The following ZNF385D variants were observed in gnomAD, a reference collection of about 807,000 sequenced individuals.
The protein encoded by ZNF385D is zinc finger protein 385D, also known as zinc finger protein 659.
In ZNF385D, 15 loss-of-function variants were observed where a neutral mutation model predicts 35.8. The ratio of observed to expected loss-of-function variants is 0.42; its 90% confidence interval spans 0.28 to 0.64. The LOEUF is 0.64. ZNF385D is among the 30% of genes least tolerant of loss of function. The pLI, the probability that ZNF385D is intolerant of heterozygous loss-of-function variation, is 0.23. For missense variants in ZNF385D, 474 were observed against 494.6 expected (o/e 0.96, Z 0.39); for synonymous variants, 212 against 186.8 (o/e 1.13, Z -1.10).
intron 1 of ZNF385D, among the ~76,000 whole-genome samples, chr3:21,742,982 T>C (rs1575574290): frequency 6.6e-6 from 1 of 152,268 alleles, no homozygotes; most frequent in Non-Finnish European, 1.5e-5. Flanking sequence ...TTTCCAGTGC[T>C]AGGCACTTTT....
rs1701658036 is a variant in ZNF385D, at chr3:21,943,990, T to C, written c.325+224827A>G. On this transcript the variant is annotated intron_variant, in intron 3 of 5. Coordinates refer to the ZNF385D transcript ENST00000494108. ...TACCAAAACCTAGTGAACCATGGAA[T>C]TGCATTCAACAAACAGAATGAAGCC... 2.0e-5 allele frequency among the ~76,000 whole-genome samples: 3 copies of C among 152,198 alleles called. 1 individual carries two copies. In the South Asian group the frequency reaches 6.2e-4, roughly 31 times the overall value.
chr3:22,139,876 A>G (rs1704393198), intron 3 of ZNF385D, among the ~76,000 whole-genome samples: 1 of 152,140 alleles, frequency 6.6e-6, no homozygotes, highest in South Asian at 2.1e-4. Flanking sequence ...TGTAAATAAA[A>G]GCGTGAAATA....
chr3:22,277,037 C>T (rs924662247), intron 2 of ZNF385D, among the ~76,000 whole-genome samples: 1 of 152,054 alleles, frequency 6.6e-6, no homozygotes, highest in African/African-American at 2.4e-5. Flanking sequence ...CATTCTATTT[C>T]CATATCTGTG....
At chr3:21,947,178 T>C (rs2125289017) in intron 3 of ZNF385D, among the ~76,000 whole-genome samples, 1 of 152,298 alleles carries the variant, frequency 6.6e-6, no homozygotes, top group East Asian at 1.9e-4. Flanking sequence ...ACACTGAATA[T>C]TTTACTTACA....
At chr3:21,975,316 C>A (rs1703526844) in intron 3 of ZNF385D, among the ~76,000 whole-genome samples, 1 of 152,100 alleles carries the variant, frequency 6.6e-6, no homozygotes, top group Non-Finnish European at 1.5e-5. Flanking sequence ...GCAAGACAAA[C>A]TTCCTATGTT....
At chr3:22,093,401 G>A (rs888004334) in intron 3 of ZNF385D, among the ~76,000 whole-genome samples, 5 of 151,550 alleles carry the variant, frequency 3.3e-5, no homozygotes, top group African/African-American at 1.2e-4. Flanking sequence ...TGCAATTTAA[G>A]TAAAACATTA....
At chr3:21,686,529 GAAATT>G (rs1185550546) in intron 1 of ZNF385D, among the ~76,000 whole-genome samples, 1 of 152,066 alleles carries the variant, frequency 6.6e-6, no homozygotes, top group Non-Finnish European at 1.5e-5. Context: ...AAAAATAGGT[GAAATT>G]AATTTAATAA....
At chr3:22,342,276 CAA>C (rs766689054) in intron 2 of ZNF385D, among the ~76,000 whole-genome samples, 743 of 53,396 alleles carry the variant, frequency 0.014, 2 homozygotes, top group African/African-American at 0.038. Flanking sequence ...GACTCCGCCT[CAA>C]AAAAAAAAAA....
At chr3:21,934,471 G>C (rs2336516) in intron 3 of ZNF385D, among the ~76,000 whole-genome samples, 18,096 of 150,668 alleles carry the variant, frequency 0.12, 1,440 homozygotes, top group South Asian at 0.25. Context: ...TCTGAGGTTA[G>C]TAATAATAAT....
intron 4 of ZNF385D, chr3:21,459,406 G>T (rs1020998740): frequency 6.6e-6 from 1 of 152,124 alleles, no homozygotes; most frequent in Non-Finnish European, 1.5e-5. Flanking sequence ...TACTTATTAT[G>T]TGGCTGGCTG....
At chr3:22,345,942 C>T (rs1433483702) in intron 2 of ZNF385D, among the ~76,000 whole-genome samples, 1 of 152,198 alleles carries the variant, frequency 6.6e-6, no homozygotes, top group Non-Finnish European at 1.5e-5. Context: ...TCGCTGAAAG[C>T]TGACTGCATC....
At chr3:22,226,206 C>T (rs1036491348) in intron 2 of ZNF385D, among the ~76,000 whole-genome samples, 4 of 151,766 alleles carry the variant, frequency 2.6e-5, no homozygotes, top group Admixed American at 6.6e-5. Flanking sequence ...TAAAAAATAT[C>T]CTCAATTCCT....
intron 3 of ZNF385D, among the ~76,000 whole-genome samples, chr3:21,547,779 G>C (rs747027088): frequency 2.0e-5 from 3 of 151,928 alleles, no homozygotes; most frequent in Non-Finnish European, 4.4e-5. Flanking sequence ...ACCATGCCCG[G>C]CTAATTTTTG....
At chr3:21,755,396 G>C (rs747161150), upstream of ZNF385D, among the ~76,000 whole-genome samples, 2 of 152,022 alleles carry the variant, frequency 1.3e-5, no homozygotes, top group Non-Finnish European at 2.9e-5. Flanking sequence ...GTCCCTATTC[G>C]CTTCTCCATT....
chr3:21,791,651 T>C (rs1250526191), intron 3 of ZNF385D, among the ~76,000 whole-genome samples: 1 of 152,342 alleles, frequency 6.6e-6, no homozygotes, highest in Middle Eastern at 3.4e-3. Context: ...TCTAACATTA[T>C]GAATCAAAAT....
rs547438745 is a variant in ZNF385D, at chr3:22,321,490, C to T, written c.106+50960G>A. ...AAGCGATTCTCCTGTCTCAGCCTCTCGAGTAGCTGGGACTACAGGGGCCCG... is the reference window on the plus strand; with the variant it reads ...AAGCGATTCTCCTGTCTCAGCCTCTTGAGTAGCTGGGACTACAGGGGCCCG... On this transcript the variant is annotated intron_variant, in intron 2 of 5. Transcript: ENST00000494108. Among the ~76,000 whole-genome samples the T allele has an allele frequency of 1.9e-3, 296 of 152,090 alleles. 2 individuals are homozygous for T. The highest frequency in any genetic ancestry group is 1.7e-3 in the Non-Finnish European group (115 of 67,992).
chr3:22,287,290 C>T (rs1297689726), intron 2 of ZNF385D, among the ~76,000 whole-genome samples: 2 of 151,926 alleles, frequency 1.3e-5, no homozygotes. Flanking sequence ...TTAAAGTGAG[C>T]ACATTGTTGA....
At chr3:21,700,420 C>G (rs2067638764) in intron 1 of ZNF385D, among the ~76,000 whole-genome samples, 1 of 152,080 alleles carries the variant, frequency 6.6e-6, no homozygotes, top group South Asian at 2.1e-4. Flanking sequence ...TTATTCAGCC[C>G]CAAAGCCTGG....
At chr3:21,797,836 G>A (rs145771413) in intron 3 of ZNF385D, among the ~76,000 whole-genome samples, 203 of 152,256 alleles carry the variant, frequency 1.3e-3, no homozygotes, top group African/African-American at 4.7e-3. Flanking sequence ...TGGTTTCCAG[G>A]AATTTGGGGG....
Sources: allele counts gnomAD v4.1 joint callset (sites outside exome capture counted in the v4.1 genomes callset), GRCh38; gene constraint gnomAD v4.1.1; transcripts MANE v1.5; gene names NCBI Gene and HGNC (gene_info 2026-07-23, HGNC 2026-07-21).